The following RORB variants were observed in gnomAD, a reference collection of about 807,000 sequenced individuals.
RORB encodes RAR related orphan receptor B, also known as nuclear receptor ROR-beta.
In RORB, 6 loss-of-function variants were observed where a neutral mutation model predicts 59.1. That is an observed-to-expected ratio of 0.10 (90% CI 0.06 to 0.20). The LOEUF is 0.20. RORB is among the 10% of genes least tolerant of loss of function. The probability of loss-of-function intolerance (pLI) is 1.00; values close to 1 mark genes in which losing one functional copy is unlikely to be tolerated. For missense variants in RORB, 320 were observed against 560.5 expected, an observed-to-expected ratio of 0.57 and a Z score of 4.33; for synonymous variants, 215 against 204.5, an observed-to-expected ratio of 1.05 and a Z score of -0.44.
At position 74,691,130 on chromosome 9, in the gene RORB, G is replaced by A. The variant is rs752735540; in HGVS notation, c.*5512G>A. The A allele has an allele frequency of 3.3e-5, 5 of 152,170 alleles. No individual in the cohort carries two copies. The highest frequency in any genetic ancestry group is 4.4e-5 in the Non-Finnish European group (3 of 68,064). The allele number at this position is 152,170 out of a possible 1,614,324, so 9.4% of individuals were successfully genotyped here. On this transcript the variant is annotated 3_prime_UTR_variant, in exon 10 of 10. Coordinates refer to ENST00000376896, the MANE Select transcript of RORB (RefSeq NM_006914.4). The stretch of plus-strand genomic sequence containing the variant: ...TTTCCTAAGCTGCTGAAATTCCTCC[G>A]ATGTGAATGGGCCATAGTAATCTTT...
intron 1 of RORB, among the ~76,000 whole-genome samples, chr9:74,546,090 G>C (rs2118147372): frequency 6.6e-6 from 1 of 152,296 alleles, no homozygotes; most frequent in East Asian, 1.9e-4. Context: ...AAATATGTGA[G>C]CTTTGGCATC....
chr9:74,594,760 T>C (rs995149740), intron 1 of RORB, among the ~76,000 whole-genome samples: 42 of 151,834 alleles, frequency 2.8e-4, no homozygotes, highest in African/African-American at 9.9e-4. Context: ...CATATAAAAT[T>C]CCACTATTTT....
At chr9:74,605,577 T>A (rs955939517) in intron 1 of RORB, among the ~76,000 whole-genome samples, 1 of 152,216 alleles carries the variant, frequency 6.6e-6, no homozygotes, top group African/African-American at 2.4e-5. Context: ...CTGTCTTTGC[T>A]GGCAAAGATC....
intron 1 of RORB, among the ~76,000 whole-genome samples, chr9:74,600,723 T>C (rs935457599): frequency 6.6e-6 from 1 of 152,236 alleles, no homozygotes; most frequent in African/African-American, 2.4e-5. Context: ...AAATTTTTTC[T>C]TGAAGTATAA....
At chr9:74,669,765 T>C (rs925424033) in intron 8 of RORB, among the ~76,000 whole-genome samples, 1 of 152,166 alleles carries the variant, frequency 6.6e-6, no homozygotes, top group African/African-American at 2.4e-5. Context: ...TCTTTTCTTA[T>C]ATATGCTCTA....
chr9:74,663,199 C>A (rs1360801645), intron 6 of RORB, among the ~76,000 whole-genome samples: 1 of 151,934 alleles, frequency 6.6e-6, no homozygotes, highest in African/African-American at 2.4e-5. Context: ...CTTTCTTGGG[C>A]CCCTTTGAAA....
At chr9:74,612,854 A>C (rs1823253344) in intron 1 of RORB, among the ~76,000 whole-genome samples, 1 of 149,836 alleles carries the variant, frequency 6.7e-6, no homozygotes, top group Admixed American at 6.6e-5. Context: ...CTTTCTGACA[A>C]AAAAAAAGAA....
intron 1 of RORB, among the ~76,000 whole-genome samples, chr9:74,623,218 C>T (rs1010734145): frequency 6.6e-6 from 1 of 152,134 alleles, no homozygotes; most frequent in African/African-American, 2.4e-5. Context: ...ATCCAAGGAG[C>T]AAGCTAGTAG....
At chr9:74,597,952 C>T (rs1822996033) in intron 1 of RORB, among the ~76,000 whole-genome samples, 1 of 150,222 alleles carries the variant, frequency 6.7e-6, no homozygotes, top group East Asian at 1.9e-4. Flanking sequence ...CAGTGAAACT[C>T]TGTCTCAAAA....
chr9:74,589,971 C>T (rs1233958966), intron 1 of RORB, among the ~76,000 whole-genome samples: 1 of 152,222 alleles, frequency 6.6e-6, no homozygotes, highest in Non-Finnish European at 1.5e-5. Context: ...TCAAATTCCA[C>T]CTCCTCCATT....
chr9:74,571,051 C>T (rs915683779), intron 1 of RORB, among the ~76,000 whole-genome samples: 2 of 151,454 alleles, frequency 1.3e-5, no homozygotes, highest in African/African-American at 2.4e-5. Flanking sequence ...AATAATTTAA[C>T]CTATGGAGAA....
At chr9:74,514,812 G>A (rs1473881828) in intron 1 of RORB, among the ~76,000 whole-genome samples, 2 of 151,572 alleles carry the variant, frequency 1.3e-5, no homozygotes, top group African/African-American at 2.4e-5. Context: ...TTACTAGAAT[G>A]AAGCTATAGT....
intron 1 of RORB, among the ~76,000 whole-genome samples, chr9:74,597,310 C>T (rs1023599465): frequency 2.0e-5 from 3 of 152,204 alleles, no homozygotes; most frequent in Non-Finnish European, 2.9e-5. Flanking sequence ...TTAAGCCAAG[C>T]ACCAGGCTGC....
intron 1 of RORB, among the ~76,000 whole-genome samples, chr9:74,559,486 A>G (rs1822362807): frequency 6.6e-6 from 1 of 152,124 alleles, no homozygotes; most frequent in Non-Finnish European, 1.5e-5. Flanking sequence ...CTTAGCTACC[A>G]TGATTCCTTG....
At chr9:74,515,450 G>A (rs1357055604) in intron 1 of RORB, among the ~76,000 whole-genome samples, 1 of 151,928 alleles carries the variant, frequency 6.6e-6, no homozygotes. Flanking sequence ...TTACATAGCT[G>A]TGGAAGGTTG....
chr9:74,665,948 C>A (rs1350135127), intron 7 of RORB, among the ~76,000 whole-genome samples: 1 of 152,188 alleles, frequency 6.6e-6, no homozygotes, highest in Non-Finnish European at 1.5e-5. Flanking sequence ...TCAAGACCAG[C>A]ATGGGCAACA....
chr9:74,543,371 C>A (rs1826439584), intron 1 of RORB, among the ~76,000 whole-genome samples: 1 of 152,198 alleles, frequency 6.6e-6, no homozygotes, highest in Admixed American at 6.5e-5. Context: ...TGCCACTCGT[C>A]CAACTCATGT....
chr9:74,571,907 A>G (rs113341732), intron 1 of RORB, among the ~76,000 whole-genome samples: 1 of 152,232 alleles, frequency 6.6e-6, no homozygotes, highest in African/African-American at 2.4e-5. Flanking sequence ...TTCCGTGGAC[A>G]TTCCCAGTCG....
chr9:74,546,922 G>T (rs971372275), intron 1 of RORB, among the ~76,000 whole-genome samples: 1 of 152,014 alleles, frequency 6.6e-6, no homozygotes, highest in East Asian at 1.9e-4. Context: ...ATGAGACCCT[G>T]TCTCTACTAA....
Sources: gnomAD v4.1 joint callset for allele counts (sites outside exome capture counted in the v4.1 genomes callset) on GRCh38, gnomAD v4.1.1 for gene constraint, MANE v1.5 for transcripts, NCBI Gene and HGNC (gene_info 2026-07-23, HGNC 2026-07-21) for gene names.